PDSS2: variants seen among roughly 807,000 people sequenced by gnomAD.
PDSS2 encodes all trans-polyprenyl-diphosphate synthase PDSS2.
Under a neutral mutation model 44.5 loss-of-function variants are expected in PDSS2, and 31 were observed. The observed-to-expected ratio is 0.70, with a 90% CI of 0.52 to 0.94. PDSS2 has a LOEUF of 0.94. Ranked by LOEUF, PDSS2 falls within the 40% of genes least tolerant of loss-of-function variation. The probability of loss-of-function intolerance (pLI) is 0.00; values close to 1 mark genes in which losing one functional copy is unlikely to be tolerated. For missense variants in PDSS2, 452 were observed against 482.2 expected (o/e 0.94, Z 0.59); for synonymous variants, 157 against 180.3 (o/e 0.87, Z 1.03).
intron 1 of PDSS2, among the ~76,000 whole-genome samples, chr6:107,436,239 C>T (rs1369994192): frequency 6.6e-6 from 1 of 151,980 alleles, no homozygotes; most frequent in Non-Finnish European, 1.5e-5. Context: ...CAAATCTTGG[C>T]CCTAGAGAAT....
intron 4 of PDSS2, among the ~76,000 whole-genome samples, chr6:107,241,675 C>T (rs1249260005): frequency 6.6e-6 from 1 of 152,146 alleles, no homozygotes; most frequent in African/African-American, 2.4e-5. Flanking sequence ...GAGAAGGTGA[C>T]TTCTAATGTA....
At chr6:107,226,508 C>T (rs1207126965) in intron 4 of PDSS2, among the ~76,000 whole-genome samples, 1 of 151,886 alleles carries the variant, frequency 6.6e-6, no homozygotes, top group African/African-American at 2.4e-5. Flanking sequence ...AAGTGTGTTC[C>T]AAGCTGCAAG....
chr6:107,176,387 A>G (rs1007959240), intron 7 of PDSS2, among the ~76,000 whole-genome samples: 2 of 150,830 alleles, frequency 1.3e-5, no homozygotes, highest in Non-Finnish European at 2.9e-5. Context: ...CATATTGACT[A>G]TTTAAAATGT....
intron 1 of PDSS2, among the ~76,000 whole-genome samples, chr6:107,446,565 T>C (rs773017733): frequency 6.6e-6 from 1 of 152,194 alleles, no homozygotes; most frequent in Non-Finnish European, 1.5e-5. Context: ...CACATTGCTA[T>C]AAGGAAATAC....
intron 1 of PDSS2, among the ~76,000 whole-genome samples, chr6:107,451,605 T>TA (rs931240141): frequency 2.6e-5 from 4 of 152,130 alleles, no homozygotes; most frequent in African/African-American, 9.7e-5. Flanking sequence ...CAGCAGAGCA[T>TA]ATTCTATATG....
At chr6:107,344,402 A>G (rs1028019758) in intron 1 of PDSS2, among the ~76,000 whole-genome samples, 3 of 152,328 alleles carry the variant, frequency 2.0e-5, no homozygotes, top group Middle Eastern at 6.8e-3. Context: ...TATTACTGCC[A>G]TATCTATTCT....
rs117440738 is a variant in PDSS2 at position 107,458,395 on chromosome 6, A to T, written c.296+595T>A. On this transcript the variant is annotated intron_variant, in intron 1 of 7. Coordinates refer to ENST00000369037, the MANE Select transcript of PDSS2 (RefSeq NM_020381.4). ...TCCCAGCTACTCCCGCCTGGGCGAC[A>T]AAGCGAGACTCCGTCTCAAAAAAAA... Among the ~76,000 whole-genome samples the T allele has an allele frequency of 9.8e-3, 1,230 of 125,760 alleles. 54 individuals carry two copies. The East Asian group carries it at 0.13, about 13-fold the overall frequency. The allele number at this position is 125,760 out of a possible 152,430, so 82.5% of individuals were successfully genotyped here. A position where few individuals can be genotyped will look rare whatever the true frequency, so the allele number is the denominator to read the frequency against.
intron 1 of PDSS2, among the ~76,000 whole-genome samples, chr6:107,409,917 C>T (rs78610577): frequency 0.015 from 2,268 of 152,118 alleles, 29 homozygotes; most frequent in Non-Finnish European, 0.021. Flanking sequence ...TGACCTTACC[C>T]GGGGAGGCAT....
At chr6:107,442,689 C>A (rs571532845) in intron 1 of PDSS2, among the ~76,000 whole-genome samples, 1 of 152,318 alleles carries the variant, frequency 6.6e-6, no homozygotes, top group East Asian at 1.9e-4. Flanking sequence ...ACACTCTACA[C>A]CCAACATACT....
chr6:107,318,041 A>C (rs955998935), intron 2 of PDSS2, among the ~76,000 whole-genome samples: 1 of 152,194 alleles, frequency 6.6e-6, no homozygotes, highest in South Asian at 2.1e-4. Context: ...TCTTGTGGTC[A>C]TCAGAAGCTC....
At chr6:107,227,278 CTTTTTTTT>C (rs60988844) in intron 4 of PDSS2, among the ~76,000 whole-genome samples, 1,763 of 102,544 alleles carry the variant, frequency 0.017, 27 homozygotes, top group Non-Finnish European at 0.029. Context: ...CCACTGTGCC[CTTTTTTTT>C]TTTTTTTTTT....
chr6:107,367,643 A>T (rs1353293397), intron 1 of PDSS2, among the ~76,000 whole-genome samples: 1 of 152,038 alleles, frequency 6.6e-6, no homozygotes. Context: ...AAAATTAGCC[A>T]GGTGCGGTGG....
At chr6:107,419,008 T>C (rs1167010719) in intron 1 of PDSS2, among the ~76,000 whole-genome samples, 1 of 152,040 alleles carries the variant, frequency 6.6e-6, no homozygotes, top group African/African-American at 2.4e-5. Context: ...TCAACTCTAG[T>C]TGTATATTAG....
At chr6:107,281,996 C>A (rs894149534) in intron 2 of PDSS2, among the ~76,000 whole-genome samples, 2 of 152,102 alleles carry the variant, frequency 1.3e-5, no homozygotes, top group Non-Finnish European at 2.9e-5. Flanking sequence ...ACCTCCACCC[C>A]CTGGGTTCAA....
intron 7 of PDSS2, among the ~76,000 whole-genome samples, chr6:107,169,493 C>T (rs1283595802): frequency 1.3e-5 from 2 of 152,180 alleles, no homozygotes; most frequent in African/African-American, 4.8e-5. Flanking sequence ...AAGTCATTCT[C>T]CATCCAGCGT....
intron 1 of PDSS2, among the ~76,000 whole-genome samples, chr6:107,447,206 G>T (rs944481977): frequency 6.6e-6 from 1 of 151,964 alleles, no homozygotes; most frequent in Non-Finnish European, 1.5e-5. Flanking sequence ...CATGGTGGTG[G>T]GCGCCTGTAG....
intron 2 of PDSS2, among the ~76,000 whole-genome samples, chr6:107,274,495 G>T (rs962320834): frequency 6.6e-6 from 1 of 151,992 alleles, no homozygotes; most frequent in African/African-American, 2.4e-5. Flanking sequence ...CCAGTGGAGG[G>T]CCACCTTCCA....
At chr6:107,359,625 A>T (rs1180164241) in intron 1 of PDSS2, among the ~76,000 whole-genome samples, 3 of 99,946 alleles carry the variant, frequency 3.0e-5, no homozygotes, top group Admixed American at 1.1e-4. Context: ...GAATGTGTTT[A>T]AAAAAAAAAA....
At chr6:107,259,678 A>G (rs560893467) in intron 3 of PDSS2, among the ~76,000 whole-genome samples, 1 of 152,070 alleles carries the variant, frequency 6.6e-6, no homozygotes, top group African/African-American at 2.4e-5. Flanking sequence ...CTGTCTCAAA[A>G]AAAAAAAATA....
Sources: gnomAD v4.1 joint callset for allele counts (sites outside exome capture counted in the v4.1 genomes callset) on GRCh38, gnomAD v4.1.1 for gene constraint, MANE v1.5 for transcripts, NCBI Gene and HGNC (gene_info 2026-07-23, HGNC 2026-07-21) for gene names.